Variants in ATXN2 observed in about 807,000 individuals in gnomAD.
The protein encoded by ATXN2 is ataxin-2.
In ATXN2, 37 loss-of-function variants were observed where a neutral mutation model predicts 138.6. The observed-to-expected ratio is 0.27, with a 90% CI of 0.21 to 0.35. The LOEUF is 0.35. ATXN2 is among the 10% of genes least tolerant of loss of function. ATXN2 has a pLI of 1.00. For missense variants in ATXN2, 1,216 were observed against 1,480.3 expected (o/e 0.82, Z 2.93); for synonymous variants, 549 against 543.7 (o/e 1.01, Z -0.13).
At chr12:111,482,759 A>G (rs112171564) in intron 18 of ATXN2, 12 of 152,166 alleles carry the variant, frequency 7.9e-5, no homozygotes, top group African/African-American at 2.6e-4. Context: ...GGCCCTCAAA[A>G]TAAGATTAAA....
intron 1 of ATXN2, among the ~76,000 whole-genome samples, chr12:111,596,182 C>T (rs898798027): frequency 1.4e-5 from 2 of 144,748 alleles, no homozygotes; most frequent in South Asian, 2.3e-4. Context: ...CCAGCCTGGG[C>T]GACAGAGTGA....
At chr12:111,523,729 A>G (rs980919118) in intron 6 of ATXN2, among the ~76,000 whole-genome samples, 4 of 151,646 alleles carry the variant, frequency 2.6e-5, no homozygotes, top group Non-Finnish European at 4.4e-5. Flanking sequence ...CCATCTCTCA[A>G]AACAACAGCA....
chr12:111,551,437 A>C (rs1355071656), intron 5 of ATXN2, among the ~76,000 whole-genome samples: 1 of 152,210 alleles, frequency 6.6e-6, no homozygotes, highest in Non-Finnish European at 1.5e-5. Flanking sequence ...ACTTAAAAAG[A>C]GACTAAATTT....
upstream of ATXN2, chr12:111,599,556 G>T: frequency 8.5e-7 from 1 of 1,179,044 alleles, no homozygotes; most frequent in Non-Finnish European, 1.0e-6. Flanking sequence ...GAGCGGAGGT[G>T]CGGATAGGGA....
intron 18 of ATXN2, among the ~76,000 whole-genome samples, chr12:111,475,099 A>G (rs1459443376): frequency 6.6e-6 from 1 of 152,064 alleles, no homozygotes; most frequent in Non-Finnish European, 1.5e-5. Context: ...ATGTAGTCCC[A>G]GCTACTCAGG....
intron 14 of ATXN2, among the ~76,000 whole-genome samples, chr12:111,495,663 T>C (rs986301656): frequency 1.6e-4 from 24 of 152,266 alleles, no homozygotes; most frequent in African/African-American, 5.8e-4. Context: ...CACCCCACTC[T>C]CAGCAATGGA....
At chr12:111,529,978 C>G (rs1880726485) in intron 5 of ATXN2, among the ~76,000 whole-genome samples, 1 of 152,204 alleles carries the variant, frequency 6.6e-6, no homozygotes, top group Non-Finnish European at 1.5e-5. Context: ...CTAACCATTT[C>G]TTCTCAACTA....
chr12:111,526,168 C>G (rs7969770), intron 5 of ATXN2, among the ~76,000 whole-genome samples: 1 of 151,272 alleles, frequency 6.6e-6, no homozygotes, highest in Non-Finnish European at 1.5e-5. Context: ...CCATCCTGGC[C>G]AACATGGTGA....
At chr12:111,596,833 C>A (rs955454540) in intron 1 of ATXN2, among the ~76,000 whole-genome samples, 1 of 152,172 alleles carries the variant, frequency 6.6e-6, no homozygotes, top group Non-Finnish European at 1.5e-5. Flanking sequence ...TTCCAAATAT[C>A]TTTGATCACT....
At chr12:111,599,443 C>G (rs1349716848), upstream of ATXN2, 41 of 1,196,430 alleles carry the variant, frequency 3.4e-5, 1 homozygote, top group Admixed American at 2.7e-4. Context: ...ACCCGGGCCA[C>G]CTGGCTGCGG....
intron 14 of ATXN2, among the ~76,000 whole-genome samples, chr12:111,504,069 TTAA>T (rs1276082205): frequency 6.6e-6 from 1 of 152,232 alleles, no homozygotes; most frequent in Non-Finnish European, 1.5e-5. Flanking sequence ...AAGTCAAGCA[TTAA>T]TGAAGGTTTA....
intron 21 of ATXN2, among the ~76,000 whole-genome samples, chr12:111,460,603 A>G (rs1046206683): frequency 6.6e-6 from 1 of 151,744 alleles, no homozygotes; most frequent in Non-Finnish European, 1.5e-5. Context: ...AACTTTATTT[A>G]TTCAAGAAAT....
At chr12:111,592,283 G>C (rs929971469) in intron 1 of ATXN2, among the ~76,000 whole-genome samples, 2 of 151,060 alleles carry the variant, frequency 1.3e-5, no homozygotes, top group African/African-American at 2.4e-5. Flanking sequence ...CCAGCTATTC[G>C]GGAGGGCTAA....
chr12:111,581,684 G>A (rs542861970), intron 1 of ATXN2: 20 of 690,108 alleles, frequency 2.9e-5, no homozygotes, highest in African/African-American at 2.1e-4. Context: ...TGCCTTTACC[G>A]CCAAGTGCCT....
Position 111,525,541 on chromosome 12 carries a change from T to A in ATXN2, c.572-225A>T, listed in dbSNP as rs150027678. On this transcript the variant is annotated intron_variant, in intron 5 of 24. Coordinates refer to ENST00000673436, the MANE Select transcript of ATXN2 (RefSeq NM_001372574.1). ...TAAAGGTAAACTTAAAACTTATGTA[T>A]GTGAAGATAAACTGCTATCTAAACT... Among the ~76,000 whole-genome samples, 21 of 152,350 alleles carry A rather than the reference T, an allele frequency of 1.4e-4. No homozygotes were observed. The East Asian group carries it at 3.7e-3, about 27-fold the overall frequency.
upstream of ATXN2, chr12:111,599,458 G>C (rs1182444505): frequency 5.8e-6 from 7 of 1,207,598 alleles, no homozygotes; most frequent in Admixed American, 2.2e-4. Context: ...CTGCGGCGAA[G>C]CGGCGAGACT....
chr12:111,588,718 G>A (rs1244265996), intron 1 of ATXN2, among the ~76,000 whole-genome samples: 4 of 151,794 alleles, frequency 2.6e-5, no homozygotes, highest in Non-Finnish European at 4.4e-5. Flanking sequence ...CAGGCCGGAC[G>A]CGGTGGCTCA....
chr12:111,481,652 T>C (rs1877248400), intron 18 of ATXN2, among the ~76,000 whole-genome samples: 1 of 152,104 alleles, frequency 6.6e-6, no homozygotes, highest in East Asian at 1.9e-4. Flanking sequence ...TAAGGCCACA[T>C]GAAAAAAAAT....
intron 8 of ATXN2, among the ~76,000 whole-genome samples, chr12:111,519,434 ACTCTT>A (rs1193482955): frequency 6.6e-6 from 1 of 151,626 alleles, no homozygotes; most frequent in African/African-American, 2.4e-5. Flanking sequence ...TCTTCTCCCA[ACTCTT>A]CTCTAAGTGT....
Sources: allele counts gnomAD v4.1 joint callset (sites outside exome capture counted in the v4.1 genomes callset), GRCh38; gene constraint gnomAD v4.1.1; transcripts MANE v1.5; gene names NCBI Gene and HGNC (gene_info 2026-07-23, HGNC 2026-07-21).